Variants in PWWP3B observed in about 807,000 individuals in gnomAD.
The protein encoded by PWWP3B is PWWP domain containing 3B.
Under a neutral mutation model 15.7 loss-of-function variants are expected in PWWP3B, and 5 were observed. That is an observed-to-expected ratio of 0.32 (90% CI 0.17 to 0.67). The LOEUF (loss-of-function observed/expected upper bound fraction) is 0.67. PWWP3B is among the 30% of genes least tolerant of loss of function. The probability of loss-of-function intolerance (pLI) is 0.74; values close to 1 mark genes in which losing one functional copy is unlikely to be tolerated. For synonymous variants in PWWP3B, 203 were observed against 179.8 expected, an observed-to-expected ratio of 1.13 and a Z score of -1.03; for missense variants, 519 against 493.1, an observed-to-expected ratio of 1.05 and a Z score of -0.50.
chrX:106,193,191 A>T (rs1428117519), intron 2 of PWWP3B, among the ~76,000 whole-genome samples: 1 of 111,010 alleles, frequency 9.0e-6, no homozygotes, highest in East Asian at 2.9e-4. Flanking sequence ...TTCGTAGGTC[A>T]CTAAGGACTT....
intron 2 of PWWP3B, among the ~76,000 whole-genome samples, chrX:106,192,000 G>C (rs971840095): frequency 3.6e-5 from 4 of 111,286 alleles, no homozygotes; most frequent in African/African-American, 9.8e-5. Flanking sequence ...GTCTAAAATT[G>C]TCTTTTTTGG....
chrX:106,202,230 T>G (rs927098347), intron 2 of PWWP3B, among the ~76,000 whole-genome samples: 2 of 111,785 alleles, frequency 1.8e-5, no homozygotes, highest in Admixed American at 9.5e-5. Flanking sequence ...TGTAGTTGAG[T>G]GAAGATACTT....
At chrX:106,196,357 G>A (rs1169744172) in intron 2 of PWWP3B, among the ~76,000 whole-genome samples, 1 of 111,816 alleles carries the variant, frequency 8.9e-6, no homozygotes, top group Non-Finnish European at 1.9e-5. Context: ...TCCTTGCCTT[G>A]TTTCTGATTT....
chrX:106,197,174 A>C (rs903747335), intron 2 of PWWP3B, among the ~76,000 whole-genome samples: 23 of 111,582 alleles, frequency 2.1e-4, no homozygotes, highest in African/African-American at 7.5e-4. Context: ...TTGTATATGT[A>C]GTTGGTCTTT....
chrX:106,189,470 A>G (rs758245182), intron 2 of PWWP3B, among the ~76,000 whole-genome samples: 1 of 110,051 alleles, frequency 9.1e-6, no homozygotes, highest in Admixed American at 9.7e-5. Flanking sequence ...TATGAGTGAG[A>G]ACATGCAGTG....
At chrX:106,176,710 C>T (rs1017449863) in intron 2 of PWWP3B, among the ~76,000 whole-genome samples, 1 of 111,715 alleles carries the variant, frequency 9.0e-6, no homozygotes, top group South Asian at 3.7e-4. Flanking sequence ...TTTCCAATTT[C>T]AGGATATTCA....
intron 3 of PWWP3B, among the ~76,000 whole-genome samples, chrX:106,204,966 A>G (rs1268481433): frequency 9.0e-6 from 1 of 111,147 alleles, no homozygotes; most frequent in East Asian, 2.8e-4. Flanking sequence ...GCTGCCATGT[A>G]CATACATTCA....
intron 2 of PWWP3B, among the ~76,000 whole-genome samples, chrX:106,185,331 T>C (rs1922444832): frequency 9.0e-6 from 1 of 111,023 alleles, no homozygotes; most frequent in African/African-American, 3.3e-5. Context: ...CTGCCCATGG[T>C]TTTGGGTTGT....
At position 106,207,143 on chromosome X, in the gene PWWP3B, C is replaced by T. The variant is rs1295644048; in HGVS notation, c.1711C>T (p.Leu571=). ...TGCAAAGGGAACAGAGAACCATCTT[C>T]TGGCCATTGTAAATGGCACAAAAGG... ...VNAKGTENHL[L]AIVNGTKGSR... Residue 571 remains leucine (L), a synonymous_variant, in exon 4 of 4, where the codon CTG becomes TTG. Coordinates refer to ENST00000357175, the MANE Select transcript of PWWP3B (RefSeq NM_001171020.2). 1 of 1,204,962 alleles carries T rather than the reference C, an allele frequency of 8.3e-7. No individual in the cohort carries two copies. Among genetic ancestry groups the T allele is most frequent in the Non-Finnish European group, 1.1e-6 (1 of 892,352 alleles).
At chrX:106,195,716 G>A (rs1923337437) in intron 2 of PWWP3B, among the ~76,000 whole-genome samples, 1 of 111,732 alleles carries the variant, frequency 8.9e-6, no homozygotes, top group African/African-American at 3.3e-5. Flanking sequence ...TTGAAATCAG[G>A]TAGTATGAAT....
At position 106,171,152 on chromosome X, in the gene PWWP3B, C is replaced by A. The variant is rs1487686144; in HGVS notation, c.-401+13C>A. On this transcript the variant is annotated intron_variant, in intron 2 of 3. Coordinates refer to ENST00000357175, the MANE Select transcript of PWWP3B (RefSeq NM_001171020.2). ...TATCCATGTAACAGTGAGTAAGACTCTTCCCATTTCACAAAACATTTCACG... is the reference window on the plus strand; with the variant it reads ...TATCCATGTAACAGTGAGTAAGACTATTCCCATTTCACAAAACATTTCACG... 9.0e-6 allele frequency: 1 copy of A among 111,355 alleles called. No individual in the cohort carries two copies. 9.2% of individuals were successfully genotyped at this position (111,355 alleles called of 1,213,427 possible).
chrX:106,184,917 G>A (rs1358869131), intron 2 of PWWP3B, among the ~76,000 whole-genome samples: 2 of 111,043 alleles, frequency 1.8e-5, no homozygotes, highest in Non-Finnish European at 3.8e-5. Context: ...CCTTCTGGGT[G>A]GGGGAGATTA....
chrX:106,188,652 T>C (rs1922669538), intron 2 of PWWP3B, among the ~76,000 whole-genome samples: 1 of 112,475 alleles, frequency 8.9e-6, no homozygotes, highest in African/African-American at 3.2e-5. Context: ...AAATGTTCCC[T>C]CCTGCCCCAT....
Position 106,208,680 on chromosome X carries a change from A to G in PWWP3B, c.*1157A>G, listed in dbSNP as rs2301375. The G allele has an allele frequency of 2.4e-5, 3 of 124,152 alleles. No individual in the cohort carries two copies. The highest frequency in any genetic ancestry group is 2.8e-4 in the East Asian group (1 of 3,610). 10.2% of individuals were successfully genotyped at this position (124,152 alleles called of 1,213,427 possible). A position where few individuals can be genotyped will look rare whatever the true frequency, so the allele number is the denominator to read the frequency against. On this transcript the variant is annotated 3_prime_UTR_variant, in exon 4 of 4. Transcript: ENST00000357175. ...GGCTAAATATGACAATTATCTGAGT[A>G]TGGTTAAATACATACAATTAAATGT...
rs1924139175 is a variant in PWWP3B at position 106,207,926 on chromosome X, G to T, written c.*403G>T. 3 of 128,158 alleles carry T rather than the reference G, an allele frequency of 2.3e-5. No individual in the cohort carries two copies. The South Asian group carries it at 1.1e-3, about 46-fold the overall frequency. The allele number at this position is 128,158 out of a possible 1,213,427, so 10.6% of individuals were successfully genotyped here. A position where few individuals can be genotyped will look rare whatever the true frequency, so the allele number is the denominator to read the frequency against. On this transcript the variant is annotated 3_prime_UTR_variant, in exon 4 of 4. Transcript: ENST00000357175. ...AAGATGATTGGAAAAAAGTCTGAAA[G>T]ATACATCATTTCTATATTCCTTGCT...
intron 2 of PWWP3B, among the ~76,000 whole-genome samples, chrX:106,192,456 C>T (rs1200585347): frequency 1.9e-4 from 21 of 110,604 alleles, no homozygotes; most frequent in African/African-American, 2.3e-4. Context: ...GTCTTGGTAG[C>T]GGTCTATCAA....
intron 2 of PWWP3B, among the ~76,000 whole-genome samples, chrX:106,189,963 T>C (rs1406998728): frequency 8.9e-6 from 1 of 112,644 alleles, no homozygotes; most frequent in Non-Finnish European, 1.9e-5. Flanking sequence ...TTTAGGTTGG[T>C]TCCAAGTCTT....
chrX:106,186,772 G>A (rs1390108162), intron 2 of PWWP3B, among the ~76,000 whole-genome samples: 1 of 111,197 alleles, frequency 9.0e-6, no homozygotes, highest in Non-Finnish European at 1.9e-5. Context: ...TGCTGGCTGG[G>A]GTGGCCAGCT....
chrX:106,193,664 G>T (rs1221819565), intron 2 of PWWP3B, among the ~76,000 whole-genome samples: 1 of 112,068 alleles, frequency 8.9e-6, no homozygotes, highest in African/African-American at 3.2e-5. Context: ...GCATGTTTTT[G>T]CAGTGCCTGG....
Sources: gnomAD v4.1 joint callset for allele counts (sites outside exome capture counted in the v4.1 genomes callset) on GRCh38, gnomAD v4.1.1 for gene constraint, MANE v1.5 for transcripts, NCBI Gene and HGNC (gene_info 2026-07-23, HGNC 2026-07-21) for gene names.